DISC1: variants seen among roughly 807,000 people sequenced by gnomAD.
DISC1 encodes the protein DISC1 scaffold protein, also known as disrupted in schizophrenia 1 protein.
A neutral mutation model predicts 84.5 loss-of-function variants in DISC1; 57 were observed. The ratio of observed to expected loss-of-function variants is 0.67; its 90% CI spans 0.55 to 0.84. The LOEUF is 0.84. Ranked by LOEUF, DISC1 falls within the 40% of genes least tolerant of loss-of-function variation. DISC1 has a pLI of 0.00. For synonymous variants in DISC1, 411 were observed against 415.2 expected, an observed-to-expected ratio of 0.99 and a Z score of 0.12; for missense variants, 1,000 against 1,057.8, an observed-to-expected ratio of 0.95 and a Z score of 0.76.
At chr1:231,640,487 ACT>A (rs34555060) in intron 1 of DISC1, among the ~76,000 whole-genome samples, 64,080 of 150,518 alleles carry the variant, frequency 0.43, 14,151 homozygotes, top group East Asian at 0.81. Flanking sequence ...TACCTCCGAA[ACT>A]CAGCTTCCAA....
chr1:231,818,477 C>G lies in DISC1; in HGVS notation c.1941C>G (p.Asn647Lys). 1 of 1,614,174 alleles carries G rather than the reference C, an allele frequency of 6.2e-7. No individual in the cohort carries two copies. Among genetic ancestry groups the G allele is most frequent in the South Asian group, 1.1e-5 (1 of 91,072 alleles). ...KKLGSVKEDY[N>K]RLRREVEHQE... is the part of the protein sequence containing the mutation. ...TGGGAAGTGTTAAAGAAGATTACAA[C>G]AGACTGAGAAGAGAAGTGGAGCACC... The change falls in exon 9 of 13, where the codon AAC (asparagine) becomes AAG (lysine). Residue 647 changes from asparagine (N) to lysine (K), a missense_variant. Asn to Lys is a moderately conservative substitution (Grantham distance 94). Around this residue, in one of 3 missense-constraint regions of DISC1, gnomAD observed 397 missense variants for 377.5 expected, o/e 1.05. Coordinates refer to ENST00000439617, the MANE Select transcript of DISC1 (RefSeq NM_018662.3).
At chr1:231,907,109 T>TCCATC (rs1402708557) in intron 9 of DISC1, among the ~76,000 whole-genome samples, 1 of 47,378 alleles carries the variant, frequency 2.1e-5, no homozygotes, top group Admixed American at 2.7e-4. Flanking sequence ...CTTCCTTCTC[T>TCCATC]CCTTCCTTCC....
At chr1:231,895,614 A>G (rs1247379840) in intron 9 of DISC1, among the ~76,000 whole-genome samples, 1 of 117,592 alleles carries the variant, frequency 8.5e-6, no homozygotes, top group Non-Finnish European at 1.8e-5. Context: ...ATTCTTTACC[A>G]CTGTGCTAGA....
intron 6 of DISC1, among the ~76,000 whole-genome samples, chr1:231,784,374 C>T (rs2077671384): frequency 1.3e-5 from 2 of 151,914 alleles, no homozygotes; most frequent in Non-Finnish European, 2.9e-5. Flanking sequence ...TAGTGGAAGA[C>T]ACAGTATCCT....
intron 12 of DISC1, among the ~76,000 whole-genome samples, chr1:232,026,839 C>T (rs142390933): frequency 0.018 from 2,542 of 144,582 alleles, 45 homozygotes; most frequent in East Asian, 0.053. Flanking sequence ...GCCTCCACCT[C>T]CTGGGTTCAA....
chr1:231,629,011 A>G (rs1345911757), intron 1 of DISC1, among the ~76,000 whole-genome samples: 1 of 152,168 alleles, frequency 6.6e-6, no homozygotes. Flanking sequence ...CGCTAGGATT[A>G]CAGGCATGAG....
chr1:231,697,345 A>G (rs1277354093), intron 2 of DISC1, among the ~76,000 whole-genome samples: 1 of 152,196 alleles, frequency 6.6e-6, no homozygotes, highest in Non-Finnish European at 1.5e-5. Flanking sequence ...GTTGATCCTC[A>G]GTGTTTGTGG....
chr1:231,864,991 C>T (rs1269704103), intron 9 of DISC1, among the ~76,000 whole-genome samples: 4 of 152,300 alleles, frequency 2.6e-5, no homozygotes, highest in Admixed American at 6.5e-5. Context: ...CTCCACACCA[C>T]GGCTGTGGTA....
At chr1:232,004,962 T>A (rs193152249) in intron 10 of DISC1, among the ~76,000 whole-genome samples, 2 of 113,062 alleles carry the variant, frequency 1.8e-5, no homozygotes, top group African/African-American at 7.8e-5. Flanking sequence ...CCTTCCTTCC[T>A]TCCTTCTTCC....
chr1:231,716,050 GATA>G (rs749669016), intron 3 of DISC1, among the ~76,000 whole-genome samples: 6 of 152,144 alleles, frequency 3.9e-5, no homozygotes, highest in Non-Finnish European at 5.9e-5. Context: ...GGTTAAATGT[GATA>G]ATGATGTGTG....
chr1:231,800,881 G>A (rs1400360212), intron 8 of DISC1, among the ~76,000 whole-genome samples: 1 of 151,552 alleles, frequency 6.6e-6, no homozygotes, highest in East Asian at 1.9e-4. Flanking sequence ...GCTAAGCAGT[G>A]GCAGATCTGG....
intron 3 of DISC1, among the ~76,000 whole-genome samples, chr1:231,709,300 G>A (rs112944492): frequency 3.2e-4 from 49 of 152,172 alleles, no homozygotes; most frequent in Admixed American, 1.3e-3. Context: ...GCACAGATGC[G>A]AAAGCTTATT....
chr1:231,766,017 C>T (rs1396976258), intron 4 of DISC1, among the ~76,000 whole-genome samples: 3 of 152,062 alleles, frequency 2.0e-5, no homozygotes, highest in Admixed American at 6.5e-5. Context: ...GGGCCAGGTG[C>T]GATGACTCAC....
intron 10 of DISC1, among the ~76,000 whole-genome samples, chr1:231,967,521 TTTAAA>T (rs1661284011): frequency 6.6e-6 from 1 of 152,202 alleles, no homozygotes; most frequent in African/African-American, 2.4e-5. Flanking sequence ...GTGCACACAG[TTTAAA>T]TTAGAGAGTG....
Position 231,812,725 on chromosome 1 carries a change from A to G in DISC1, c.1793-5604A>G, listed in dbSNP as rs868540611. 2.0e-5 allele frequency among the ~76,000 whole-genome samples: 3 copies of G among 152,172 alleles called. 1 individual carries two copies. The South Asian group carries it at 6.2e-4, about 32-fold the overall frequency. On this transcript the variant is annotated intron_variant, in intron 8 of 12. Coordinates refer to ENST00000439617, the MANE Select transcript of DISC1 (RefSeq NM_018662.3). ...TTAGAAAGGGCCTGTGAAAGTTATG[A>G]AGATTCAGGTCACAGATCTCTGATG...
intron 11 of DISC1, 146 bp from the exon 12 acceptor site, chr1:232,026,289 A>G: frequency 1.6e-6 from 1 of 615,892 alleles, no homozygotes; most frequent in Non-Finnish European, 2.9e-6. Flanking sequence ...CAACTTCTCA[A>G]GTTTGATACC....
chr1:231,989,758 G>A (rs1040486373), intron 10 of DISC1, among the ~76,000 whole-genome samples: 2 of 152,220 alleles, frequency 1.3e-5, no homozygotes, highest in African/African-American at 4.8e-5. Flanking sequence ...GACCCTGCTT[G>A]CTGTAGGGCG....
At chr1:231,863,653 C>T (rs1176248606) in intron 9 of DISC1, among the ~76,000 whole-genome samples, 1 of 152,192 alleles carries the variant, frequency 6.6e-6, no homozygotes, top group Non-Finnish European at 1.5e-5. Flanking sequence ...TCTCATAAAA[C>T]TGTCATGGGA....
intron 3 of DISC1, 56 bp downstream of exon 3, chr1:231,702,080 A>G (rs1305255217): frequency 1.3e-6 from 2 of 1,573,082 alleles, no homozygotes; most frequent in East Asian, 2.3e-5. Flanking sequence ...TTTTCTTTCC[A>G]TCTTTACTCA....
Sources: gnomAD v4.1 joint callset for allele counts (sites outside exome capture counted in the v4.1 genomes callset) on GRCh38, gnomAD v4.1.1 for gene constraint, gnomAD v4.1.1 regional missense constraint, MANE v1.5 for transcripts, NCBI Gene and HGNC (gene_info 2026-07-23, HGNC 2026-07-21) for gene names.